Variants in DLG2 observed in about 807,000 individuals in gnomAD.
DLG2 encodes disks large homolog 2.
DLG2 carries 45 observed loss-of-function variants against 132.5 expected under a neutral mutation model. The ratio of observed to expected loss-of-function variants is 0.34; its 90% confidence interval spans 0.27 to 0.44. The LOEUF is 0.44. DLG2 is among the 20% of genes least tolerant of loss of function. The pLI, the probability that DLG2 is intolerant of heterozygous loss-of-function variation, is 1.00. For synonymous variants in DLG2, 424 were observed against 419.6 expected (o/e 1.01, Z -0.13); for missense variants, 1,045 against 1,196.9 (o/e 0.87, Z 1.87).
rs191759469 is a variant in DLG2, at chr11:85,399,916, C to A, written c.41-114551G>T. 4.4e-3 allele frequency among the ~76,000 whole-genome samples: 676 copies of A among 152,160 alleles called. 7 individuals are homozygous for A. The highest frequency in any genetic ancestry group is 0.015 in the African/African-American group (636 of 41,492). On this transcript the variant is annotated intron_variant, in intron 3 of 27. Coordinates refer to ENST00000376104, the MANE Select transcript of DLG2 (RefSeq NM_001142699.3). ...ACACCAAAAGCAATGGCAACAAAAG[C>A]CAAAATTGACCAATGGGATCTAATT...
chr11:84,791,098 C>T (rs549808751), intron 6 of DLG2, among the ~76,000 whole-genome samples: 6 of 152,184 alleles, frequency 3.9e-5, no homozygotes, highest in East Asian at 1.9e-4. Flanking sequence ...CAGGTGAGAT[C>T]GAGTATGTGA....
At chr11:85,314,373 C>T (rs1439290067) in intron 3 of DLG2, among the ~76,000 whole-genome samples, 1 of 151,788 alleles carries the variant, frequency 6.6e-6, no homozygotes, top group African/African-American at 2.4e-5. Flanking sequence ...AAAGGAAAAA[C>T]AGGTCAGCTA....
intron 4 of DLG2, among the ~76,000 whole-genome samples, chr11:85,271,423 GC>G (rs1449111855): frequency 3.3e-5 from 5 of 152,360 alleles, no homozygotes; most frequent in Admixed American, 3.3e-4. Context: ...TGGGGTGGGT[GC>G]CCCCACACAG....
intron 21 of DLG2, among the ~76,000 whole-genome samples, chr11:83,523,174 G>A (rs2095526546): frequency 6.6e-6 from 1 of 152,166 alleles, no homozygotes; most frequent in Non-Finnish European, 1.5e-5. Context: ...CAGATGAAAG[G>A]AAGTCCTATA....
At chr11:84,401,698 A>G (rs1323141235) in intron 7 of DLG2, among the ~76,000 whole-genome samples, 1 of 152,198 alleles carries the variant, frequency 6.6e-6, no homozygotes, top group Admixed American at 6.5e-5. Context: ...CACTCTAGCT[A>G]CAGATACACT....
chr11:85,581,124 G>A (rs1308639548), intron 3 of DLG2, among the ~76,000 whole-genome samples: 1 of 152,062 alleles, frequency 6.6e-6, no homozygotes, highest in East Asian at 1.9e-4. Context: ...CAGTGGCTGT[G>A]CTCCTCTTCC....
intron 3 of DLG2, among the ~76,000 whole-genome samples, chr11:85,459,037 G>T (rs1452130767): frequency 6.6e-6 from 1 of 152,188 alleles, no homozygotes; most frequent in Admixed American, 6.5e-5. Context: ...AGCTAGGAAG[G>T]CCCGCCTGGT....
intron 10 of DLG2, among the ~76,000 whole-genome samples, chr11:84,096,670 T>C (rs1248272342): frequency 4.6e-5 from 7 of 152,214 alleles, no homozygotes; most frequent in Middle Eastern, 3.4e-3. Flanking sequence ...CTCTAACAAA[T>C]CTATTTCTAA....
At chr11:84,473,006 C>T (rs1602750281) in intron 7 of DLG2, among the ~76,000 whole-genome samples, 2 of 152,010 alleles carry the variant, frequency 1.3e-5, no homozygotes, top group Admixed American at 1.3e-4. Context: ...CATAGAGTGG[C>T]AGTAATGCCA....
At chr11:83,936,308 T>C (rs1040972632) in intron 14 of DLG2, among the ~76,000 whole-genome samples, 1 of 152,238 alleles carries the variant, frequency 6.6e-6, no homozygotes, top group African/African-American at 2.4e-5. Flanking sequence ...TCCTCTTTAA[T>C]AGCCCTGGAG....
At chr11:85,027,794 C>T (rs1222586422) in intron 6 of DLG2, among the ~76,000 whole-genome samples, 1 of 152,202 alleles carries the variant, frequency 6.6e-6, no homozygotes, top group Non-Finnish European at 1.5e-5. Flanking sequence ...CAAAGAGCCC[C>T]AAAGAGGGTG....
At chr11:84,496,148 TG>T (rs1425837859) in intron 7 of DLG2, among the ~76,000 whole-genome samples, 3 of 152,170 alleles carry the variant, frequency 2.0e-5, no homozygotes, top group Admixed American at 6.6e-5. Context: ...AGTTCCTGGG[TG>T]GATGAAGGCA....
chr11:84,843,768 G>C (rs556479886), intron 6 of DLG2, among the ~76,000 whole-genome samples: 1 of 151,782 alleles, frequency 6.6e-6, no homozygotes, highest in African/African-American at 2.4e-5. Flanking sequence ...GTCTATACAT[G>C]TTCAATACGG....
intron 20 of DLG2, among the ~76,000 whole-genome samples, chr11:83,539,954 G>A (rs1319819736): frequency 6.6e-6 from 1 of 152,164 alleles, no homozygotes; most frequent in Non-Finnish European, 1.5e-5. Flanking sequence ...CTCAGGGTTG[G>A]AAAGAGTCAG....
intron 6 of DLG2, among the ~76,000 whole-genome samples, chr11:84,651,255 A>C (rs565196199): frequency 9.9e-5 from 15 of 152,016 alleles, no homozygotes; most frequent in Non-Finnish European, 2.2e-4. Context: ...CTTTTCATCT[A>C]TAAGTTCTTC....
chr11:84,706,308 T>C (rs1006116420), intron 6 of DLG2, among the ~76,000 whole-genome samples: 1 of 151,822 alleles, frequency 6.6e-6, no homozygotes, highest in African/African-American at 2.4e-5. Context: ...CAAAAGCAAC[T>C]ATACAGAGAG....
intron 4 of DLG2, among the ~76,000 whole-genome samples, chr11:85,225,005 T>G (rs1018996729): frequency 6.6e-6 from 1 of 152,154 alleles, no homozygotes; most frequent in Non-Finnish European, 1.5e-5. Context: ...TAATTTCAAT[T>G]AAAACATAAA....
At position 84,756,751 on chromosome 11, in the gene DLG2, A is replaced by AT. The variant is rs1241371588; in HGVS notation, c.358-222021dup. On this transcript the variant is annotated intron_variant, in intron 6 of 27. Coordinates refer to ENST00000376104, the MANE Select transcript of DLG2 (RefSeq NM_001142699.3). The stretch of plus-strand genomic sequence containing the variant: ...TAAAATATAATGAGATTTTTTTGTG[A>AT]TTTTTTTTAATTTTTGTTTTTTAGC... Among the ~76,000 whole-genome samples, 6 of 152,000 alleles carry AT rather than the reference A, an allele frequency of 3.9e-5. No homozygotes were observed. In the East Asian group the frequency reaches 7.7e-4, roughly 20 times the overall value.
chr11:84,779,372 T>C (rs2071301327), intron 6 of DLG2, among the ~76,000 whole-genome samples: 1 of 152,194 alleles, frequency 6.6e-6, no homozygotes, highest in Non-Finnish European at 1.5e-5. Context: ...CTAGATCTTT[T>C]GGTTTCTACA....
Sources: allele counts gnomAD v4.1 joint callset (sites outside exome capture counted in the v4.1 genomes callset), GRCh38; gene constraint gnomAD v4.1.1; transcripts MANE v1.5; gene names NCBI Gene and HGNC (gene_info 2026-07-23, HGNC 2026-07-21).